The following LRRIQ1 variants were observed in gnomAD, a reference collection of about 807,000 sequenced individuals.
LRRIQ1 encodes the protein leucine-rich repeat- and IQ domain-containing protein 1.
Under a neutral mutation model 211.9 loss-of-function variants are expected in LRRIQ1, and 210 were observed. The ratio of observed to expected loss-of-function variants is 0.99; its 90% CI spans 0.89 to 1.11. LRRIQ1 has a LOEUF of 1.11. LRRIQ1 is among the 50% of genes most tolerant of loss of function. The pLI, the probability that LRRIQ1 is intolerant of heterozygous loss-of-function variation, is 0.00. For synonymous variants in LRRIQ1, 699 were observed against 650.1 expected (o/e 1.08, Z -1.14); for missense variants, 2,136 against 1,939.5 (o/e 1.10, Z -1.90).
downstream of LRRIQ1, among the ~76,000 whole-genome samples, chr12:85,248,125 A>G (rs1895786019): frequency 1.3e-5 from 2 of 151,656 alleles, no homozygotes; most frequent in South Asian, 4.1e-4. Context: ...TGCTTAAAGT[A>G]TGCATTGCAA....
At chr12:85,253,216 G>A (rs1896000601) in intron 1 of LRRIQ1, among the ~76,000 whole-genome samples, 1 of 152,034 alleles carries the variant, frequency 6.6e-6, no homozygotes, top group South Asian at 2.1e-4. Flanking sequence ...ACAGCAAGGA[G>A]TGCTTGGGTG....
intron 2 of LRRIQ1, among the ~76,000 whole-genome samples, chr12:85,040,112 A>C (rs999309696): frequency 1.3e-5 from 2 of 151,602 alleles, no homozygotes; most frequent in Non-Finnish European, 3.0e-5. Context: ...TTTGATATTA[A>C]ATATTTTGAA....
chr12:85,066,981 C>T lies in LRRIQ1; in HGVS notation c.2695+83C>T, dbSNP rs1191989267. Reference sequence around the variant, plus strand: ...TATTTATTCCTTTTTAGGAGTAGGCCACCATCACAAATCTGCATATTTTAT... The same window carrying T: ...TATTTATTCCTTTTTAGGAGTAGGCTACCATCACAAATCTGCATATTTTAT... On this transcript the variant is annotated intron_variant, in intron 10 of 26. Transcript: ENST00000393217. 4.4e-6 allele frequency: 3 copies of T among 683,742 alleles called. No individual in the cohort carries two copies. In the African/African-American group the frequency reaches 5.7e-5, roughly 13 times the overall value. The allele number at this position is 683,742 out of a possible 1,614,324, so 42.4% of individuals were successfully genotyped here.
At chr12:85,081,723 C>CTTT (rs766961193) in intron 11 of LRRIQ1, among the ~76,000 whole-genome samples, 13,536 of 112,770 alleles carry the variant, frequency 0.12, 888 homozygotes, top group East Asian at 0.16. Context: ...TCTTCTTCTT[C>CTTT]TTTTTTTTTT....
At chr12:85,244,589 T>A (rs1895629500) in intron 26 of LRRIQ1, among the ~76,000 whole-genome samples, 200 bp from the exon 27 acceptor site, 1 of 151,724 alleles carries the variant, frequency 6.6e-6, no homozygotes. Context: ...AATCCTCAAT[T>A]TTACAATCGA....
At chr12:85,193,341 G>C (rs867052591) in intron 24 of LRRIQ1, among the ~76,000 whole-genome samples, 1 of 118,762 alleles carries the variant, frequency 8.4e-6, no homozygotes, top group African/African-American at 3.3e-5. Context: ...GATACTCCTC[G>C]AGAAGAGCAA....
At chr12:85,252,844 CTATTGAGCACTATCATA>C (rs1197010866) in intron 1 of LRRIQ1, among the ~76,000 whole-genome samples, 2 of 151,828 alleles carry the variant, frequency 1.3e-5, no homozygotes, top group Non-Finnish European at 2.9e-5. Context: ...CAACAAACTC[CTATTGAGCACTATCATA>C]TATTGAGCAC....
At chr12:85,115,585 C>G (rs1887513328) in intron 15 of LRRIQ1, among the ~76,000 whole-genome samples, 1 of 152,116 alleles carries the variant, frequency 6.6e-6, no homozygotes, top group South Asian at 2.1e-4. Context: ...CTCTCTTGAT[C>G]CACATTCCCT....
At chr12:85,076,509 A>G (rs753848166) in intron 11 of LRRIQ1, 11 of 323,276 alleles carry the variant, frequency 3.4e-5, no homozygotes, top group Admixed American at 6.5e-5. Context: ...AAAAATTATC[A>G]TGTAAATAGT....
intron 24 of LRRIQ1, among the ~76,000 whole-genome samples, chr12:85,203,363 C>G (rs926072414): frequency 6.6e-6 from 1 of 151,934 alleles, no homozygotes. Flanking sequence ...TGGACTAATA[C>G]AGTAAATTGC....
chr12:85,184,756 G>T (rs1051023871), intron 24 of LRRIQ1, among the ~76,000 whole-genome samples: 5 of 151,948 alleles, frequency 3.3e-5, no homozygotes, highest in Middle Eastern at 3.4e-3. Flanking sequence ...ATAATGTTAT[G>T]AAATGTTAAT....
chr12:85,242,114 T>G (rs1895490192), intron 26 of LRRIQ1, among the ~76,000 whole-genome samples: 1 of 152,000 alleles, frequency 6.6e-6, no homozygotes, highest in Non-Finnish European at 1.5e-5. Flanking sequence ...TAATAAGTAT[T>G]TGCCATTATG....
chr12:85,233,022 G>T, intron 26 of LRRIQ1: 1 of 325,318 alleles, frequency 3.1e-6, no homozygotes, highest in Non-Finnish European at 5.5e-6. Context: ...AAATTACTGT[G>T]GATGGAAAAT....
Position 85,052,179 on chromosome 12 carries a change from A to G in LRRIQ1, c.681A>G (p.Gln227=), listed in dbSNP as rs781580490. Residue 227 remains glutamine (Q), a splice_region_variant and synonymous_variant, in exon 7 of 27, where the codon CAA becomes CAG. Coordinates refer to ENST00000393217, the MANE Select transcript of LRRIQ1 (RefSeq NM_001079910.2). ...EKKKLENIQK[Q]EQDKMNDELY... ...ATTTATTATTATCATATGTTCAGCA[A>G]GAACAGGACAAGATGAATGATGAAC... 19 of 1,505,542 alleles carry G rather than the reference A, an allele frequency of 1.3e-5. No homozygotes were observed. Among genetic ancestry groups the G allele is most frequent in the Non-Finnish European group, 1.5e-5 (17 of 1,108,428 alleles). The allele number at this position is 1,505,542 out of a possible 1,614,324, so 93.3% of individuals were successfully genotyped here.
chr12:85,093,480 C>A (rs1885591852), intron 11 of LRRIQ1, among the ~76,000 whole-genome samples: 1 of 152,174 alleles, frequency 6.6e-6, no homozygotes, highest in Non-Finnish European at 1.5e-5. Context: ...GGATGCAGAG[C>A]ATGCATGTCT....
At chr12:85,144,330 A>G (rs1174101486) in intron 19 of LRRIQ1, among the ~76,000 whole-genome samples, 2 of 151,580 alleles carry the variant, frequency 1.3e-5, no homozygotes, top group African/African-American at 2.4e-5. Flanking sequence ...ACTTCATAGT[A>G]TTTACATTTT....
intron 24 of LRRIQ1, among the ~76,000 whole-genome samples, chr12:85,218,950 G>T (rs537578495): frequency 8.6e-5 from 13 of 151,950 alleles, no homozygotes; most frequent in Admixed American, 3.9e-4. Context: ...CATTACTTTT[G>T]ATTTTTAAAT....
chr12:85,190,430 A>G (rs1214699575), intron 24 of LRRIQ1, among the ~76,000 whole-genome samples: 1 of 147,494 alleles, frequency 6.8e-6, no homozygotes, highest in Non-Finnish European at 1.5e-5. Flanking sequence ...ATAAATAATT[A>G]TATCAAATAG....
At chr12:85,193,845 A>G in intron 24 of LRRIQ1, among the ~76,000 whole-genome samples, 5 of 146,052 alleles carry the variant, frequency 3.4e-5, no homozygotes, top group Admixed American at 6.9e-5. Flanking sequence ...ATGTAAATGG[A>G]CTAAATGCTC....
Sources: gnomAD v4.1 joint callset for allele counts (sites outside exome capture counted in the v4.1 genomes callset) on GRCh38, gnomAD v4.1.1 for gene constraint, MANE v1.5 for transcripts, NCBI Gene and HGNC (gene_info 2026-07-23, HGNC 2026-07-21) for gene names.